The following DYRK1B variants were observed in gnomAD, a reference collection of about 807,000 sequenced individuals.
DYRK1B encodes dual specificity tyrosine-phosphorylation-regulated kinase 1B.
A neutral mutation model predicts 57.1 loss-of-function variants in DYRK1B; 20 were observed. The observed-to-expected ratio is 0.35, with a 90% CI of 0.25 to 0.51. The LOEUF (loss-of-function observed/expected upper bound fraction) is 0.51, where lower values mean the gene tolerates loss of function less well. Ranked by LOEUF, DYRK1B falls within the 20% of genes least tolerant of loss-of-function variation. The probability of loss-of-function intolerance (pLI) is 0.96; values close to 1 mark genes in which losing one functional copy is unlikely to be tolerated. For missense variants in DYRK1B, 732 were observed against 886.3 expected, an observed-to-expected ratio of 0.83 and a Z score of 2.21; for synonymous variants, 409 against 384.7, an observed-to-expected ratio of 1.06 and a Z score of -0.74.
intron 3 of DYRK1B, 49 bp downstream of exon 3, chr19:39,830,615 C>T (rs763465546): frequency 2.0e-5 from 33 of 1,612,956 alleles, no homozygotes; most frequent in Non-Finnish European, 2.2e-5. Context: ...CTCATGCCAG[C>T]AGACAAGACC....
chr19:39,830,871 A>G, intron 2 of DYRK1B, 88 bp from the exon 3 acceptor site: 1 of 1,458,812 alleles, frequency 6.9e-7, no homozygotes, highest in Non-Finnish European at 9.2e-7. Context: ...CTGGCACATC[A>G]TGTATTTGGT....
intron 4 of DYRK1B, 43 bp from the exon 5 acceptor site, chr19:39,830,070 G>A (rs2145026155): frequency 3.1e-6 from 5 of 1,600,554 alleles, no homozygotes; most frequent in South Asian, 1.1e-5. Context: ...GTGGGAGCAG[G>A]GCAGAGCCAG....
rs770939435 is a variant in DYRK1B, at chr19:39,830,511, G to A, written c.236C>T (p.Ser79Leu). ...RRAQQAPPQDSSNKKEKKVLN... is the reference protein window; with the variant it reads ...RRAQQAPPQDLSNKKEKKVLN... ...GACCTTCTTCTCCTTCTTGTTGCTC[G>A]AATCCTGGGGTGGCGCCTGCTGGGC... The change falls in exon 4 of 11, where the codon TCG (serine) becomes TTG (leucine). Residue 79 changes from serine to leucine, a missense_variant. By Grantham distance (145) the Ser-to-Leu change is moderately radical. Coordinates refer to ENST00000323039, the MANE Select transcript of DYRK1B (RefSeq NM_004714.3). 37 of 1,614,032 alleles carry A rather than the reference G, an allele frequency of 2.3e-5. No homozygotes were observed. The highest frequency in any genetic ancestry group is 6.7e-5 in the Admixed American group (4 of 60,012).
In DYRK1B at chr19:39,831,737, T is replaced by C; in HGVS notation, c.63+68A>G. ...CTTGGGCAACCACACTACCTTTTGG[T>C]CTGGAGACCTTTCTATCCCCAGCCT... On this transcript the variant is annotated intron_variant, in intron 2 of 10. Coordinates refer to ENST00000323039, the MANE Select transcript of DYRK1B (RefSeq NM_004714.3). 19 of 1,538,602 alleles carry C rather than the reference T, an allele frequency of 1.2e-5. No homozygotes were observed. The South Asian group carries it at 2.3e-4, about 18-fold the overall frequency.
In DYRK1B at chr19:39,826,661, T is replaced by C. The variant is rs746727697; in HGVS notation, c.1411+11A>G. On this transcript the variant is annotated intron_variant, in intron 9 of 10. Transcript: ENST00000323039. The surrounding 1 kb of genome is among the most constrained non-coding windows in gnomAD (Gnocchi z 6.3). The stretch of plus-strand genomic sequence containing the variant: ...ACCCGTTGTACCCCATTTGGGCACC[T>C]GGGCACCCACCAGAACTGGAGATGG... 3 of 1,591,430 alleles carry C rather than the reference T, an allele frequency of 1.9e-6. No homozygotes were observed. Among genetic ancestry groups the C allele is most frequent in the Non-Finnish European group, 2.6e-6 (3 of 1,170,720 alleles).
chr19:39,831,490 C>T (rs943685124), intron 2 of DYRK1B, among the ~76,000 whole-genome samples: 8 of 152,180 alleles, frequency 5.3e-5, no homozygotes, highest in Admixed American at 3.3e-4. Flanking sequence ...TACATGCATA[C>T]CATTAACTCA....
chr19:39,827,231 A>C, intron 8 of DYRK1B, 54 bp downstream of exon 8: 1 of 1,552,080 alleles, frequency 6.4e-7, no homozygotes, highest in Non-Finnish European at 8.8e-7. Context: ...GAGAGCCCCA[A>C]GTGTGAGTGA....
rs1253130968 is a variant in DYRK1B at position 39,830,638 on chromosome 19, C to T, written c.183+26G>A. ...AGCAGACAAGACCCTCGGCACCCAG[C>T]CCAGGATCCCCCAGCCCCTGCCCAC... On this transcript the variant is annotated intron_variant, in intron 3 of 10. Coordinates refer to ENST00000323039, the MANE Select transcript of DYRK1B (RefSeq NM_004714.3). 3.1e-6 allele frequency: 5 copies of T among 1,612,720 alleles called. No homozygotes were observed. The South Asian group carries it at 4.4e-5, about 14-fold the overall frequency.
chr19:39,832,932 C>T, intron 1 of DYRK1B: 1 of 984,566 alleles, frequency 1.0e-6, no homozygotes, highest in Middle Eastern at 5.2e-4. Context: ...TCCTTGCCCC[C>T]CTACACACAC....
In DYRK1B at chr19:39,826,924, CG is replaced by C; in HGVS notation, c.1158del (p.Gly388AlafsTer115). The part of the protein sequence containing the change: ...QEVLGVQTGG[P>X]GGRRAGEPGH... Reference sequence around the variant, plus strand: ...CCCGGCTCCCCCGCCCGCCGGCCCCCGGGCCCGCCCGTCTGCACGCCCAGCA... The same window carrying C: ...CCCGGCTCCCCCGCCCGCCGGCCCCCGGCCCGCCCGTCTGCACGCCCAGCA... On this transcript the variant is annotated frameshift_variant, in exon 9 of 11. Coordinates refer to ENST00000323039, the MANE Select transcript of DYRK1B (RefSeq NM_004714.3). LOFTEE classifies it high-confidence loss of function. The surrounding 1 kb of genome is among the most constrained non-coding windows in gnomAD (Gnocchi z 6.3). 1 of 1,263,882 alleles carries C rather than the reference CG, an allele frequency of 7.9e-7. No individual in the cohort carries two copies. Among genetic ancestry groups the C allele is most frequent in the Non-Finnish European group, 1.0e-6 (1 of 999,706 alleles). The allele number at this position is 1,263,882 out of a possible 1,614,324, so 78.3% of individuals were successfully genotyped here.
Position 39,827,508 on chromosome 19 carries a change from A to G in DYRK1B, c.954+2T>C. On this transcript the variant is annotated splice_donor_variant, in intron 7 of 10. Transcript: ENST00000323039. LOFTEE classifies it high-confidence loss of function. ...CCAGCACACCCCTTCCTGGGGGCAC[A>G]CCTCATTGGAGCCACTGAAGAGGGG... 2 of 1,613,414 alleles carry G rather than the reference A, an allele frequency of 1.2e-6. No individual in the cohort carries two copies. Among genetic ancestry groups the G allele is most frequent in the Non-Finnish European group, 1.7e-6 (2 of 1,179,564 alleles).
chr19:39,830,673 G>C lies in DYRK1B; in HGVS notation c.174C>G (p.His58Gln). 6.2e-7 allele frequency: 1 copy of C among 1,613,920 alleles called. No homozygotes were observed. Residue 58 changes from histidine (H) to glutamine (Q), a missense_variant, in exon 3 of 11, where the codon CAC (histidine) becomes CAG (glutamine). This residue lies in a region of DYRK1B where 510 missense variants were observed against 681.3 expected (regional missense o/e 0.75). Coordinates refer to ENST00000323039, the MANE Select transcript of DYRK1B (RefSeq NM_004714.3). ...LSVDLIKTYK[H>Q]INEVYYAKKK... ...CCCAGCCCCTGCCCACCTCATTGAT[G>C]TGCTTGTAGGTCTTGATGAGGTCCA...
intron 6 of DYRK1B, 75 bp from the exon 7 acceptor site, chr19:39,827,731 C>A: frequency 6.5e-7 from 1 of 1,542,952 alleles, no homozygotes; most frequent in Admixed American, 1.8e-5. Flanking sequence ...CTAAGAGGAC[C>A]CAACTGAGGA....
chr19:39,827,161 A>C, intron 8 of DYRK1B, 124 bp downstream of exon 8: 3 of 1,328,490 alleles, frequency 2.3e-6, no homozygotes, highest in African/African-American at 2.9e-5. Context: ...GGAGGAAGGA[A>C]AGGACAGACA....
chr19:39,827,013 G>A lies in DYRK1B; in HGVS notation c.1096-26C>T, dbSNP rs1472113166. The stretch of plus-strand genomic sequence containing the variant: ...CTGGCAGGGAGGGGGTGGGAGGGGG[G>A]GCAAGAGAGTGGCCGTCAGTGGGCA... On this transcript the variant is annotated intron_variant, in intron 8 of 10. Coordinates refer to ENST00000323039, the MANE Select transcript of DYRK1B (RefSeq NM_004714.3). 5 of 486,170 alleles carry A rather than the reference G, an allele frequency of 1.0e-5. 1 individual carries two copies. The highest frequency in any genetic ancestry group is 1.7e-5 in the Non-Finnish European group (5 of 289,364). 30.1% of individuals were successfully genotyped at this position (486,170 alleles called of 1,614,324 possible). A position where few individuals can be genotyped will look rare whatever the true frequency, so the allele number is the denominator to read the frequency against.
chr19:39,832,154 A>G (rs1451133743), intron 1 of DYRK1B, among the ~76,000 whole-genome samples, 186 bp from the exon 2 acceptor site: 1 of 152,080 alleles, frequency 6.6e-6, no homozygotes, highest in Non-Finnish European at 1.5e-5. Context: ...GGGATGGCAC[A>G]GCAGTCCCTC....
intron 5 of DYRK1B, among the ~76,000 whole-genome samples, chr19:39,829,537 G>T (rs969962539): frequency 4.0e-5 from 6 of 151,172 alleles, no homozygotes; most frequent in African/African-American, 1.4e-4. Context: ...CGTTTTGTTT[G>T]TTTTATTGAA....
chr19:39,829,619 C>T, intron 5 of DYRK1B: 1 of 391,022 alleles, frequency 2.6e-6, no homozygotes, highest in Non-Finnish European at 4.6e-6. Context: ...CCCTTATGGG[C>T]TGTGGTGAGT....
intron 3 of DYRK1B, 34 bp from the exon 4 acceptor site, chr19:39,830,597 G>C (rs747094681): frequency 6.2e-7 from 1 of 1,613,830 alleles, no homozygotes; most frequent in East Asian, 2.2e-5. Flanking sequence ...ATGGGGACTG[G>C]TGAGTGACTC....
Sources: gnomAD v4.1 joint callset for allele counts (sites outside exome capture counted in the v4.1 genomes callset) on GRCh38, gnomAD v4.1.1 for gene constraint, gnomAD v4.1.1 regional missense constraint, Gnocchi (gnomAD v3.1) non-coding constraint, MANE v1.5 for transcripts, NCBI Gene and HGNC (gene_info 2026-07-23, HGNC 2026-07-21) for gene names.